IL18R1: variants seen among roughly 807,000 people sequenced by gnomAD.
The protein encoded by IL18R1 is interleukin 18 receptor 1.
A neutral mutation model predicts 48.5 loss-of-function variants in IL18R1; 40 were observed. The observed-to-expected ratio is 0.82, with a 90% confidence interval of 0.64 to 1.07. The LOEUF is 1.07. Ranked by LOEUF, IL18R1 falls within the 50% of genes least tolerant of loss-of-function variation. The probability of loss-of-function intolerance (pLI) is 0.00; values close to 1 mark genes in which losing one functional copy is unlikely to be tolerated. For synonymous variants in IL18R1, 232 were observed against 225.9 expected (o/e 1.03, Z -0.24); for missense variants, 596 against 633.7 (o/e 0.94, Z 0.64).
At chr2:102,359,665 G>A (rs907462547) in intron 1 of IL18R1, among the ~76,000 whole-genome samples, 1 of 152,198 alleles carries the variant, frequency 6.6e-6, no homozygotes, top group African/African-American at 2.4e-5. Flanking sequence ...GCTGCTCAGT[G>A]TGCTTCTGGG....
chr2:102,363,360 C>G (rs918179357), intron 2 of IL18R1, among the ~76,000 whole-genome samples: 22 of 152,082 alleles, frequency 1.4e-4, no homozygotes, highest in African/African-American at 3.9e-4. Context: ...GCTCATTTCC[C>G]TACTTTGATA....
chr2:102,381,599 C>T, intron 5 of IL18R1, 21 bp from the exon 6 acceptor site: 1 of 1,595,460 alleles, frequency 6.3e-7, no homozygotes, highest in Non-Finnish European at 8.6e-7. Context: ...ATACATTTGT[C>T]TTTTCTTTTG....
chr2:102,369,220 A>C (rs1313661938), intron 3 of IL18R1, among the ~76,000 whole-genome samples: 2 of 152,236 alleles, frequency 1.3e-5, no homozygotes, highest in Non-Finnish European at 2.9e-5. Flanking sequence ...CTCCTGATTG[A>C]ATGAAGGCAC....
intron 1 of IL18R1, among the ~76,000 whole-genome samples, chr2:102,361,190 A>G (rs547713106): frequency 1.3e-5 from 2 of 152,276 alleles, no homozygotes; most frequent in South Asian, 4.1e-4. Context: ...AACATTTTTT[A>G]TTCTATCCAA....
Position 102,392,271 on chromosome 2 carries a change from G to A in IL18R1, c.1111+2054G>A, listed in dbSNP as rs561714879. Among the ~76,000 whole-genome samples the A allele has an allele frequency of 4.6e-5, 7 of 152,338 alleles. No individual in the cohort carries two copies. The South Asian group carries it at 1.5e-3, about 32-fold the overall frequency. On this transcript the variant is annotated intron_variant, in intron 9 of 10. Transcript: ENST00000233957. ...TGCATGTGCGAGTTTGCTATGGGGA[G>A]AGATGATGCTGTAACAAACGGGGAA...
At chr2:102,374,778 A>C (rs1264984411) in intron 4 of IL18R1, among the ~76,000 whole-genome samples, 1 of 82,928 alleles carries the variant, frequency 1.2e-5, no homozygotes, top group African/African-American at 3.8e-5. Flanking sequence ...ACTCCGTCTC[A>C]AAAAAAAAAA....
intron 5 of IL18R1, among the ~76,000 whole-genome samples, chr2:102,378,073 A>T (rs1679695118): frequency 6.6e-6 from 1 of 152,158 alleles, no homozygotes; most frequent in South Asian, 2.1e-4. Flanking sequence ...TGTTACTTTG[A>T]TACTTTCAGA....
chr2:102,396,802 G>A lies in IL18R1; in HGVS notation c.1542G>A (p.Lys514=). The A allele has an allele frequency of 6.2e-7, 1 of 1,613,982 alleles. No homozygotes were observed. The highest frequency in any genetic ancestry group is 1.1e-5 in the South Asian group (1 of 91,042). The change falls in exon 11 of 11, where the codon AAG becomes AAA. Residue 514 remains lysine, a synonymous_variant. Transcript: ENST00000233957. ...TTTCTTATAACTCAAGGTTCTGGAAGAACCTTCTTTACTTAATGCCTGCAA... is the reference window on the plus strand; with the variant it reads ...TTTCTTATAACTCAAGGTTCTGGAAAAACCTTCTTTACTTAATGCCTGCAA... ...KSLSYNSRFW[K]NLLYLMPAKT... is the part of the protein sequence containing the mutation.
chr2:102,365,175 G>T (rs1388683752), intron 2 of IL18R1, among the ~76,000 whole-genome samples: 1 of 152,118 alleles, frequency 6.6e-6, no homozygotes, highest in African/African-American at 2.4e-5. Context: ...AGTCTCATCT[G>T]AGACAAGGAA....
At chr2:102,392,115 T>C (rs1473974969) in intron 9 of IL18R1, among the ~76,000 whole-genome samples, 4 of 152,232 alleles carry the variant, frequency 2.6e-5, no homozygotes, top group Admixed American at 2.6e-4. Flanking sequence ...AACAGCCTTC[T>C]TAACCTCAAG....
intron 5 of IL18R1, 61 bp from the exon 6 acceptor site, chr2:102,381,559 C>T (rs1679918641): frequency 8.6e-7 from 1 of 1,168,094 alleles, no homozygotes; most frequent in Admixed American, 1.7e-5. Context: ...ATCATAGATG[C>T]TTGTCATAAA....
intron 4 of IL18R1, among the ~76,000 whole-genome samples, chr2:102,374,732 T>A (rs1287117073): frequency 6.6e-6 from 1 of 151,228 alleles, no homozygotes; most frequent in Non-Finnish European, 1.5e-5. Flanking sequence ...GAGCCGAGAC[T>A]GGGCCACTGC....
chr2:102,390,491 G>A (rs1378642903), intron 9 of IL18R1, among the ~76,000 whole-genome samples: 1 of 152,068 alleles, frequency 6.6e-6, no homozygotes, highest in Non-Finnish European at 1.5e-5. Flanking sequence ...CTCGGGCCCA[G>A]GAACTGTATA....
intron 1 of IL18R1, among the ~76,000 whole-genome samples, chr2:102,360,022 G>A (rs775297565): frequency 7.9e-5 from 12 of 152,170 alleles, no homozygotes; most frequent in Non-Finnish European, 1.8e-4. Context: ...GTTGAAGGTA[G>A]AATGGAGATT....
At chr2:102,366,740 C>T (rs1001940960) in intron 2 of IL18R1, among the ~76,000 whole-genome samples, 1 of 152,272 alleles carries the variant, frequency 6.6e-6, no homozygotes, top group Non-Finnish European at 1.5e-5. Context: ...AAGCCCCTTA[C>T]AAAACCATCA....
Position 102,379,444 on chromosome 2 carries a change from CAAAAAA to C in IL18R1, c.626-2159_626-2154del, listed in dbSNP as rs112656218. Among the ~76,000 whole-genome samples, 6 of 102,944 alleles carry C rather than the reference CAAAAAA, an allele frequency of 5.8e-5. 1 individual carries two copies. The highest frequency in any genetic ancestry group is 1.1e-4 in the Admixed American group (1 of 9,086). 67.5% of individuals were successfully genotyped at this position (102,944 alleles called of 152,430 possible). Reference sequence around the variant, plus strand: ...CAGGTGACAGAGCAAGACTCGGTCTCAAAAAAAAAAAAAAAAAAAAAAGGAAAGAAA... The same window carrying C: ...CAGGTGACAGAGCAAGACTCGGTCTCAAAAAAAAAAAAAAAAGGAAAGAAA... On this transcript the variant is annotated intron_variant, in intron 5 of 10. Transcript: ENST00000233957.
In IL18R1 at chr2:102,386,998, A is replaced by G; in HGVS notation, c.947A>G (p.Lys316Arg). The change falls in exon 8 of 11, where the codon AAA becomes AGA. Residue 316 changes from lysine to arginine, a missense_variant and splice_region_variant. Physicochemically the swap from Lys to Arg is conservative, Grantham distance 26. This residue lies in a region of IL18R1 where 57 missense variants were observed against 88.2 expected (regional missense o/e 0.65). Transcript: ENST00000233957. ...TDTKSFILVR[K>R]ADMADIPGHV... ...ACCAAAAGCTTCATCTTGGTGAGAA[A>G]AGGTGAGAAAGATTTATTTTTGGAA... The G allele has an allele frequency of 6.2e-7, 1 of 1,609,882 alleles. No homozygotes were observed. Among genetic ancestry groups the G allele is most frequent in the South Asian group, 1.1e-5 (1 of 89,952 alleles).
intron 3 of IL18R1, among the ~76,000 whole-genome samples, chr2:102,369,194 C>G (rs900805540): frequency 3.3e-5 from 5 of 149,308 alleles, no homozygotes; most frequent in African/African-American, 7.5e-5. Context: ...CCGCCCCCCC[C>G]ACCACAAACT....
rs1055340719 is a variant in IL18R1, at chr2:102,356,278, G to C, written c.-151G>C. The C allele has an allele frequency of 1.2e-5, 11 of 907,550 alleles. No individual in the cohort carries two copies. In the African/African-American group the frequency reaches 2.1e-4, roughly 17 times the overall value. 56.2% of individuals were successfully genotyped at this position (907,550 alleles called of 1,614,324 possible). ...ATCACACCTCTCTTTCACTTTCCAC[G>C]GTAGTCAGGAGGCGGAGATCGCTGC... On this transcript the variant is annotated 5_prime_UTR_variant, in exon 1 of 11. Coordinates refer to ENST00000233957, the MANE Select transcript of IL18R1 (RefSeq NM_003855.5).
Sources: allele counts gnomAD v4.1 joint callset (sites outside exome capture counted in the v4.1 genomes callset), GRCh38; gene constraint gnomAD v4.1.1; regional missense constraint gnomAD v4.1.1; transcripts MANE v1.5; gene names NCBI Gene and HGNC (gene_info 2026-07-23, HGNC 2026-07-21).